The following MYO16 variants were observed in gnomAD, a reference collection of about 807,000 sequenced individuals.
MYO16 encodes the protein unconventional myosin-XVI.
A neutral mutation model predicts 205.3 loss-of-function variants in MYO16; 94 were observed. The ratio of observed to expected loss-of-function variants is 0.46; its 90% CI spans 0.39 to 0.54. The LOEUF is 0.54. Ranked by LOEUF, MYO16 falls within the 20% of genes least tolerant of loss-of-function variation. The pLI, the probability that MYO16 is intolerant of heterozygous loss-of-function variation, is 0.00. For missense variants in MYO16, 2,315 were observed against 2,387.5 expected (o/e 0.97, Z 0.63); for synonymous variants, 988 against 954.0 (o/e 1.04, Z -0.66).
chr13:108,733,359 T>A (rs904740182), intron 4 of MYO16, among the ~76,000 whole-genome samples: 1 of 152,218 alleles, frequency 6.6e-6, no homozygotes, highest in Admixed American at 6.5e-5. Flanking sequence ...AATTCTATTA[T>A]GAAAGTGCCA....
In MYO16 at chr13:109,140,201, G is replaced by A. The variant is rs1408532991; in HGVS notation, c.4052-63G>A. 4.8e-5 allele frequency: 75 copies of A among 1,573,614 alleles called. No homozygotes were observed. The highest frequency in any genetic ancestry group is 1.7e-4 in the Middle Eastern group (1 of 5,840). ...CGTGGCTCCCTCCGAGTCGAGCCCC[G>A]GGCTTGGTGGGCACCCGTGGGCCTG... On this transcript the variant is annotated intron_variant, in intron 31 of 34. Coordinates refer to ENST00000457511, the MANE Select transcript of MYO16 (RefSeq NM_001198950.3). This position sits in a 1 kb window ranked among gnomAD's most constrained non-coding sequence, Gnocchi z 8.0.
intron 28 of MYO16, among the ~76,000 whole-genome samples, chr13:109,110,910 CCTG>C (rs1488998756): frequency 6.6e-6 from 1 of 152,038 alleles, no homozygotes; most frequent in Non-Finnish European, 1.5e-5. Context: ...GCATCTGTGC[CCTG>C]CTGGTATGAA....
intron 21 of MYO16, among the ~76,000 whole-genome samples, chr13:108,992,960 A>G: frequency 6.6e-6 from 1 of 152,306 alleles, no homozygotes; most frequent in East Asian, 1.9e-4. Context: ...GTATTAAATT[A>G]TGTAGTCATC....
intron 20 of MYO16, among the ~76,000 whole-genome samples, chr13:108,968,568 G>A (rs988765259): frequency 6.6e-6 from 1 of 152,172 alleles, no homozygotes; most frequent in Non-Finnish European, 1.5e-5. Context: ...GGAGGTTGCA[G>A]TAAGCCGAGA....
intron 9 of MYO16, among the ~76,000 whole-genome samples, chr13:108,836,725 G>T (rs1566360162): frequency 6.6e-6 from 1 of 152,184 alleles, no homozygotes; most frequent in South Asian, 2.1e-4. Flanking sequence ...GAACGTTAAG[G>T]TTTAATGACT....
chr13:108,844,946 T>C lies in MYO16; in HGVS notation c.1248+453T>C, dbSNP rs562879601. 3.3e-5 allele frequency among the ~76,000 whole-genome samples: 5 copies of C among 151,330 alleles called. No homozygotes were observed. In the South Asian group the frequency reaches 1.0e-3, roughly 31 times the overall value. On this transcript the variant is annotated intron_variant, in intron 10 of 34. Transcript: ENST00000457511. ...TACGTGTCTGTGTGTTTATGTTGCGTGTGTGTGTGTGCATATGTGTACTTG... is the reference window on the plus strand; with the variant it reads ...TACGTGTCTGTGTGTTTATGTTGCGCGTGTGTGTGTGCATATGTGTACTTG...
At chr13:108,957,213 G>A (rs529459767) in intron 16 of MYO16, among the ~76,000 whole-genome samples, 6 of 151,842 alleles carry the variant, frequency 4.0e-5, no homozygotes, top group East Asian at 3.9e-4. Context: ...GTGAAACCCC[G>A]TCTCTACTAA....
At chr13:109,042,434 C>A (rs377207447) in intron 23 of MYO16, among the ~76,000 whole-genome samples, 39 of 152,272 alleles carry the variant, frequency 2.6e-4, no homozygotes, top group African/African-American at 7.5e-4. Context: ...CATGTCATTT[C>A]TCTTCACAAA....
intron 4 of MYO16, among the ~76,000 whole-genome samples, chr13:108,785,383 G>C (rs34943408): frequency 6.6e-6 from 1 of 152,162 alleles, no homozygotes; most frequent in Non-Finnish European, 1.5e-5. Context: ...TTTAGCAAAG[G>C]GGTGAGGAGA....
At chr13:108,972,287 G>T (rs1884059663) in intron 20 of MYO16, among the ~76,000 whole-genome samples, 1 of 29,692 alleles carries the variant, frequency 3.4e-5, no homozygotes, top group Non-Finnish European at 6.3e-5. Flanking sequence ...ATATTTACCA[G>T]CCACAGCCAT....
At chr13:108,874,406 A>G (rs1376039788) in intron 12 of MYO16, among the ~76,000 whole-genome samples, 1 of 152,210 alleles carries the variant, frequency 6.6e-6, no homozygotes, top group East Asian at 1.9e-4. Flanking sequence ...AAATTCTAGG[A>G]AATGAAAACA....
At chr13:108,674,512 C>T (rs546684243) in intron 2 of MYO16, among the ~76,000 whole-genome samples, 2 of 152,120 alleles carry the variant, frequency 1.3e-5, no homozygotes, top group Non-Finnish European at 2.9e-5. Context: ...CAGCTTTATC[C>T]TCTCTCCCTG....
At chr13:108,778,850 G>T (rs183412922) in intron 4 of MYO16, among the ~76,000 whole-genome samples, 213 of 152,260 alleles carry the variant, frequency 1.4e-3, no homozygotes, top group Non-Finnish European at 1.3e-3. Context: ...GGCTGGCATA[G>T]AACCTCTCTG....
intron 12 of MYO16, among the ~76,000 whole-genome samples, chr13:108,875,385 A>G (rs1182158983): frequency 1.3e-5 from 2 of 152,216 alleles, no homozygotes; most frequent in Non-Finnish European, 2.9e-5. Context: ...CAGGGACTGC[A>G]TAAGTGGAAA....
At chr13:108,703,275 T>C (rs902349275) in intron 2 of MYO16, among the ~76,000 whole-genome samples, 1 of 152,090 alleles carries the variant, frequency 6.6e-6, no homozygotes, top group Non-Finnish European at 1.5e-5. Context: ...AGAATACATA[T>C]GTAAATATCA....
At chr13:109,108,813 T>G (rs1889199174) in intron 28 of MYO16, among the ~76,000 whole-genome samples, 1 of 152,048 alleles carries the variant, frequency 6.6e-6, no homozygotes, top group South Asian at 2.1e-4. Context: ...GGGGACGTGC[T>G]GAGGCAGGAC....
At chr13:109,088,131 G>A (rs536694927) in intron 27 of MYO16, among the ~76,000 whole-genome samples, 13 of 152,290 alleles carry the variant, frequency 8.5e-5, no homozygotes, top group Admixed American at 7.2e-4. Flanking sequence ...CAGCTCCATC[G>A]CAGTCTGGGT....
At chr13:108,898,207 A>G (rs1351062499) in intron 15 of MYO16, 74 bp downstream of exon 15, 2 of 1,127,998 alleles carry the variant, frequency 1.8e-6, no homozygotes, top group East Asian at 2.4e-5. Flanking sequence ...CAGGCACGCT[A>G]TGGACACACT....
intron 27 of MYO16, among the ~76,000 whole-genome samples, chr13:109,057,710 GC>G (rs1010323690): frequency 1.3e-5 from 2 of 149,248 alleles, no homozygotes; most frequent in Admixed American, 6.7e-5. Flanking sequence ...AGTGTAGATG[GC>G]CTTTGGTTCG....
Sources: gnomAD v4.1 joint callset for allele counts (sites outside exome capture counted in the v4.1 genomes callset) on GRCh38, gnomAD v4.1.1 for gene constraint, Gnocchi (gnomAD v3.1) non-coding constraint, MANE v1.5 for transcripts, NCBI Gene and HGNC (gene_info 2026-07-23, HGNC 2026-07-21) for gene names.